Variants in MAGI2 observed in about 807,000 individuals in gnomAD.
The protein encoded by MAGI2 is membrane-associated guanylate kinase, WW and PDZ domain-containing protein 2.
A neutral mutation model predicts 133.3 loss-of-function variants in MAGI2; 35 were observed. The observed-to-expected ratio is 0.26, with a 90% CI of 0.20 to 0.35. The LOEUF (loss-of-function observed/expected upper bound fraction) is 0.35. Among genes scored for constraint, MAGI2 ranks in the 10% least tolerant of loss-of-function variants. MAGI2 has a pLI of 1.00. For synonymous variants in MAGI2, 729 were observed against 710.6 expected, an observed-to-expected ratio of 1.03 and a Z score of -0.41; for missense variants, 1,636 against 1,863.4, an observed-to-expected ratio of 0.88 and a Z score of 2.25.
chr7:78,290,889 G>C lies in MAGI2; in HGVS notation c.1409-34308C>G, dbSNP rs569606648. Among the ~76,000 whole-genome samples, 3 of 152,300 alleles carry C rather than the reference G, an allele frequency of 2.0e-5. No homozygotes were observed. In the South Asian group the frequency reaches 6.2e-4, roughly 32 times the overall value. On this transcript the variant is annotated intron_variant, in intron 9 of 21. Coordinates refer to ENST00000354212, the MANE Select transcript of MAGI2 (RefSeq NM_012301.4). ...AATAAAGATGTTCTTTGAAACCAAT[G>C]AGAACAAAGACACAACATACCAGAA...
intron 6 of MAGI2, among the ~76,000 whole-genome samples, chr7:78,416,810 T>C (rs1798346914): frequency 6.6e-6 from 1 of 152,170 alleles, no homozygotes; most frequent in Non-Finnish European, 1.5e-5. Context: ...TCACAGTATA[T>C]GTCCCTTTTC....
intron 2 of MAGI2, among the ~76,000 whole-genome samples, chr7:78,988,766 C>G (rs528396928): frequency 6.6e-6 from 1 of 152,004 alleles, no homozygotes; most frequent in Non-Finnish European, 1.5e-5. Flanking sequence ...CAGTGGAAGA[C>G]GCAGAACTTT....
intron 7 of MAGI2, among the ~76,000 whole-genome samples, chr7:78,361,121 C>T (rs570777678): frequency 3.0e-4 from 45 of 152,238 alleles, no homozygotes; most frequent in Admixed American, 7.9e-4. Flanking sequence ...TTGGGCCAGG[C>T]GTGGTGGCTC....
At chr7:79,412,317 T>A (rs2129172204) in intron 1 of MAGI2, 1 of 152,260 alleles carries the variant, frequency 6.6e-6, no homozygotes, top group Non-Finnish European at 1.5e-5. Flanking sequence ...TGTAAATATA[T>A]AAGTATTTAA....
chr7:79,153,108 G>A (rs1267727995), intron 1 of MAGI2, among the ~76,000 whole-genome samples: 1 of 152,122 alleles, frequency 6.6e-6, no homozygotes, highest in East Asian at 1.9e-4. Flanking sequence ...TTTCCTGGTA[G>A]AGCCTAGATT....
At chr7:78,185,765 A>G in intron 12 of MAGI2, 95 bp from the exon 13 acceptor site, 1 of 888,066 alleles carries the variant, frequency 1.1e-6, no homozygotes. Context: ...AACTCCCCCA[A>G]CCACAATCTC....
At chr7:78,661,645 T>G (rs1812972506) in intron 2 of MAGI2, among the ~76,000 whole-genome samples, 1 of 152,226 alleles carries the variant, frequency 6.6e-6, no homozygotes, top group South Asian at 2.1e-4. Context: ...GACCAGTGTG[T>G]AGCTGCTTAG....
In MAGI2 at chr7:78,345,115, C is replaced by T. The variant is rs78083408; in HGVS notation, c.1225+807G>A. 2.4e-4 allele frequency among the ~76,000 whole-genome samples: 36 copies of T among 152,116 alleles called. No homozygotes were observed. The East Asian group carries it at 2.5e-3, about 11-fold the overall frequency. ...CTATTAGACTTCTGCTTTTACTGTC[C>T]GCTTACATATCACATGTATCTTTAT... On this transcript the variant is annotated intron_variant, in intron 8 of 21. Coordinates refer to ENST00000354212, the MANE Select transcript of MAGI2 (RefSeq NM_012301.4).
intron 10 of MAGI2, among the ~76,000 whole-genome samples, chr7:78,227,809 G>A (rs1297855428): frequency 1.1e-4 from 16 of 150,780 alleles, no homozygotes; most frequent in Non-Finnish European, 1.6e-4. Flanking sequence ...GTCACCTGAG[G>A]AAGTTGTGTC....
At chr7:79,198,991 A>G (rs1418475968) in intron 1 of MAGI2, among the ~76,000 whole-genome samples, 2 of 152,034 alleles carry the variant, frequency 1.3e-5, no homozygotes, top group Non-Finnish European at 2.9e-5. Context: ...TTTCTGGGAA[A>G]TATTAAGGAA....
intron 1 of MAGI2, among the ~76,000 whole-genome samples, chr7:79,068,470 GCTT>G (rs1274443891): frequency 2.0e-5 from 3 of 151,978 alleles, no homozygotes; most frequent in African/African-American, 7.2e-5. Context: ...GCATTTATTA[GCTT>G]CTTCTCTTTT....
chr7:79,352,819 G>A (rs923986734), intron 1 of MAGI2, among the ~76,000 whole-genome samples: 1 of 152,100 alleles, frequency 6.6e-6, no homozygotes, highest in Non-Finnish European at 1.5e-5. Flanking sequence ...TATACCAAGA[G>A]TGCCTCATGC....
intron 16 of MAGI2, among the ~76,000 whole-genome samples, chr7:78,141,688 T>C (rs913630560): frequency 1.3e-5 from 2 of 152,156 alleles, no homozygotes; most frequent in Admixed American, 1.3e-4. Flanking sequence ...GGACTGCATA[T>C]TCAAAAAGTG....
At chr7:78,450,290 G>A (rs1788587814) in intron 6 of MAGI2, among the ~76,000 whole-genome samples, 1 of 151,952 alleles carries the variant, frequency 6.6e-6, no homozygotes, top group African/African-American at 2.4e-5. Context: ...TAAAATGCAA[G>A]ACATTTTAGG....
intron 21 of MAGI2, among the ~76,000 whole-genome samples, chr7:78,029,599 C>A (rs1244808206): frequency 1.3e-5 from 2 of 152,256 alleles, no homozygotes; most frequent in African/African-American, 4.8e-5. Context: ...ACCGCAGAGG[C>A]CCTTTAGGCC....
intron 2 of MAGI2, among the ~76,000 whole-genome samples, chr7:78,717,648 T>G (rs1196049221): frequency 6.6e-6 from 1 of 152,216 alleles, no homozygotes; most frequent in Non-Finnish European, 1.5e-5. Context: ...TTTTATTTAC[T>G]GCAAACTATA....
chr7:78,075,399 C>T (rs1356836103), intron 21 of MAGI2, among the ~76,000 whole-genome samples: 6 of 130,434 alleles, frequency 4.6e-5, no homozygotes, highest in Admixed American at 8.2e-5. Flanking sequence ...TTTTTTGAGA[C>T]GGAGTCTCGC....
At chr7:79,205,332 A>G (rs1423534840) in intron 1 of MAGI2, among the ~76,000 whole-genome samples, 2 of 152,094 alleles carry the variant, frequency 1.3e-5, no homozygotes, top group Middle Eastern at 3.4e-3. Flanking sequence ...GAAATACTCA[A>G]ATTACTGAAC....
At chr7:79,414,513 A>C (rs947514640) in intron 1 of MAGI2, 1 of 152,140 alleles carries the variant, frequency 6.6e-6, no homozygotes, top group Admixed American at 6.6e-5. Flanking sequence ...ACAGTCATAC[A>C]TGATCAGAGG....
Sources: allele counts gnomAD v4.1 joint callset (sites outside exome capture counted in the v4.1 genomes callset), GRCh38; gene constraint gnomAD v4.1.1; transcripts MANE v1.5; gene names NCBI Gene and HGNC (gene_info 2026-07-23, HGNC 2026-07-21).